Variants in SHISA9 observed in about 807,000 individuals in gnomAD.
SHISA9 encodes protein shisa-9.
A neutral mutation model predicts 38.0 loss-of-function variants in SHISA9; 13 were observed. That is an observed-to-expected ratio of 0.34 (90% CI 0.22 to 0.54). The LOEUF is 0.54. Ranked by LOEUF, SHISA9 falls within the 20% of genes least tolerant of loss-of-function variation. The probability of loss-of-function intolerance (pLI) is 0.91; values close to 1 mark genes in which losing one functional copy is unlikely to be tolerated. For synonymous variants in SHISA9, 275 were observed against 242.0 expected, an observed-to-expected ratio of 1.14 and a Z score of -1.27; for missense variants, 538 against 575.8, an observed-to-expected ratio of 0.93 and a Z score of 0.67.
the SHISA9 span, among the ~76,000 whole-genome samples, chr16:13,444,387 GGAAA>G: frequency 8.1e-6 from 1 of 122,820 alleles, no homozygotes; most frequent in Non-Finnish European, 1.7e-5. Flanking sequence ...GAGAGAAGAA[GGAAA>G]GAAGGAAGGA....
At chr16:13,058,287 G>C (rs1354748889) in intron 2 of SHISA9, among the ~76,000 whole-genome samples, 1 of 152,202 alleles carries the variant, frequency 6.6e-6, no homozygotes, top group African/African-American at 2.4e-5. Flanking sequence ...TAGAGTTACA[G>C]AATGTGCCTC....
At chr16:13,252,663 T>C in the SHISA9 span, among the ~76,000 whole-genome samples, 1 of 152,240 alleles carries the variant, frequency 6.6e-6, no homozygotes, top group Non-Finnish European at 1.5e-5. Flanking sequence ...TATTTTCTTA[T>C]TGCATTCAGC....
chr16:13,308,319 A>G, the SHISA9 span, among the ~76,000 whole-genome samples: 1 of 152,142 alleles, frequency 6.6e-6, no homozygotes, highest in Non-Finnish European at 1.5e-5. Context: ...AAAGCACCAT[A>G]TAAATTTCAA....
chr16:13,026,204 T>C (rs903646655), intron 2 of SHISA9, among the ~76,000 whole-genome samples: 1 of 150,928 alleles, frequency 6.6e-6, no homozygotes, highest in Non-Finnish European at 1.5e-5. Context: ...TTGAGACATT[T>C]TTGCCCATTG....
chr16:13,387,912 G>A, the SHISA9 span, among the ~76,000 whole-genome samples: 1 of 151,894 alleles, frequency 6.6e-6, no homozygotes, highest in African/African-American at 2.4e-5. Context: ...TTTCTTGGAG[G>A]GTGAAAATCC....
the SHISA9 span, among the ~76,000 whole-genome samples, chr16:13,432,850 TG>T: frequency 6.6e-6 from 1 of 152,062 alleles, no homozygotes; most frequent in African/African-American, 2.4e-5. Flanking sequence ...CGCTTATAAA[TG>T]GGAGCTAAAT....
At chr16:13,368,519 G>A in the SHISA9 span, among the ~76,000 whole-genome samples, 1 of 152,092 alleles carries the variant, frequency 6.6e-6, no homozygotes, top group Non-Finnish European at 1.5e-5. Flanking sequence ...GGGTTTTGTA[G>A]GAATGAAGAG....
the SHISA9 span, among the ~76,000 whole-genome samples, chr16:13,457,927 CCCTT>C: frequency 7.9e-5 from 12 of 151,566 alleles, 1 homozygote; most frequent in South Asian, 6.3e-4. Flanking sequence ...CTTCCTTCCT[CCCTT>C]CCTTCCTTCC....
intron 1 of SHISA9, chr16:12,910,710 G>C: frequency 1.0e-6 from 1 of 985,356 alleles, no homozygotes. Context: ...AAAAAGCTTA[G>C]CTTCTTCTTC....
the SHISA9 span, among the ~76,000 whole-genome samples, chr16:13,560,159 CG>C: frequency 1.3e-5 from 2 of 152,248 alleles, no homozygotes; most frequent in South Asian, 4.1e-4. Flanking sequence ...TCTCTTAGCT[CG>C]ATTTGGTTTC....
At chr16:13,401,505 G>A in the SHISA9 span, among the ~76,000 whole-genome samples, 6 of 152,074 alleles carry the variant, frequency 3.9e-5, no homozygotes, top group Non-Finnish European at 8.8e-5. Context: ...CAGTGGGACT[G>A]TATTTGAACA....
chr16:13,193,283 A>G (rs1339545486), intron 2 of SHISA9, among the ~76,000 whole-genome samples: 1 of 152,192 alleles, frequency 6.6e-6, no homozygotes, highest in Non-Finnish European at 1.5e-5. Flanking sequence ...TTTGTAAAAT[A>G]GGATGGTTTA....
intron 2 of SHISA9, among the ~76,000 whole-genome samples, chr16:13,168,633 G>T (rs970231986): frequency 6.6e-6 from 1 of 152,238 alleles, no homozygotes; most frequent in Non-Finnish European, 1.5e-5. Context: ...GAGAAAGCTG[G>T]CCAGAAAGCA....
the SHISA9 span, among the ~76,000 whole-genome samples, chr16:13,398,284 C>T: frequency 6.6e-6 from 1 of 152,182 alleles, no homozygotes; most frequent in African/African-American, 2.4e-5. Context: ...AGGACCACAC[C>T]CTTCCCTTCC....
At chr16:13,358,523 G>C in the SHISA9 span, among the ~76,000 whole-genome samples, 2 of 152,128 alleles carry the variant, frequency 1.3e-5, no homozygotes, top group Admixed American at 1.3e-4. Flanking sequence ...GGATGTTGCT[G>C]GCATAAGTAG....
intron 2 of SHISA9, among the ~76,000 whole-genome samples, chr16:12,991,351 G>A (rs546676886): frequency 6.6e-6 from 1 of 152,194 alleles, no homozygotes; most frequent in Admixed American, 6.5e-5. Context: ...CTGTCTAGTA[G>A]GATGATGATG....
At chr16:13,513,445 C>G in the SHISA9 span, among the ~76,000 whole-genome samples, 1 of 152,294 alleles carries the variant, frequency 6.6e-6, no homozygotes, top group East Asian at 1.9e-4. Context: ...CCTCAAGGAT[C>G]TAGAACCAGA....
chr16:13,067,638 C>T (rs968240819), intron 2 of SHISA9, among the ~76,000 whole-genome samples: 3 of 152,156 alleles, frequency 2.0e-5, no homozygotes, highest in African/African-American at 7.2e-5. Flanking sequence ...AGAATGAGAC[C>T]CTGTTTCAAA....
the SHISA9 span, among the ~76,000 whole-genome samples, chr16:13,301,229 G>A: frequency 1.3e-5 from 2 of 152,284 alleles, no homozygotes; most frequent in East Asian, 3.9e-4. Context: ...CCCCAGAGGA[G>A]AAAAGGTTGG....
Sources: allele counts gnomAD v4.1 joint callset (sites outside exome capture counted in the v4.1 genomes callset), GRCh38; gene constraint gnomAD v4.1.1; transcripts MANE v1.5; gene names NCBI Gene and HGNC (gene_info 2026-07-23, HGNC 2026-07-21).